Variants in MARCHF5 observed in about 807,000 individuals in gnomAD.
MARCHF5 encodes membrane associated ring-CH-type finger 5.
Under a neutral mutation model 36.5 loss-of-function variants are expected in MARCHF5, and 5 were observed. The observed-to-expected ratio is 0.14, with a 90% CI of 0.07 to 0.29. The LOEUF is 0.29. Among genes scored for constraint, MARCHF5 ranks in the 10% least tolerant of loss-of-function variants. The pLI is 1.00. For missense variants in MARCHF5, 179 were observed against 336.3 expected, an observed-to-expected ratio of 0.53 and a Z score of 3.66; for synonymous variants, 103 against 109.9, an observed-to-expected ratio of 0.94 and a Z score of 0.39.
chr10:92,311,433 G>A (rs1429746505), intron 2 of MARCHF5, 96 bp downstream of exon 2: 4 of 803,194 alleles, frequency 5.0e-6, no homozygotes, highest in African/African-American at 3.5e-5. Flanking sequence ...TTTTTTTAGG[G>A]TGTGAATTTC....
intron 2 of MARCHF5, among the ~76,000 whole-genome samples, chr10:92,325,504 C>T (rs986619912): frequency 1.3e-5 from 2 of 152,086 alleles, no homozygotes; most frequent in Admixed American, 6.5e-5. Flanking sequence ...ATTGTTACGT[C>T]GTCCTGATGG....
chr10:92,344,845 T>G (rs1294433937), intron 3 of MARCHF5, among the ~76,000 whole-genome samples: 1 of 152,212 alleles, frequency 6.6e-6, no homozygotes, highest in Non-Finnish European at 1.5e-5. Flanking sequence ...ATAATTTTTT[T>G]TTCTCGGCAC....
chr10:92,343,197 G>A (rs1450632687), intron 3 of MARCHF5, among the ~76,000 whole-genome samples: 1 of 152,092 alleles, frequency 6.6e-6, no homozygotes. Context: ...TCTGTCCTTT[G>A]GCTTACGTCA....
intron 2 of MARCHF5, among the ~76,000 whole-genome samples, chr10:92,313,861 C>T (rs1388802955): frequency 2.0e-5 from 3 of 152,098 alleles, no homozygotes; most frequent in Non-Finnish European, 2.9e-5. Flanking sequence ...CCACTGTACT[C>T]CAGCTTGGGA....
intron 2 of MARCHF5, among the ~76,000 whole-genome samples, chr10:92,317,060 A>G (rs1157952304): frequency 6.6e-6 from 1 of 152,114 alleles, no homozygotes; most frequent in Non-Finnish European, 1.5e-5. Context: ...AAAGGTAGAG[A>G]GATCTTGACT....
rs976151071 is a variant in MARCHF5, at chr10:92,336,035, G to GT, written c.239-4631dup. Among the ~76,000 whole-genome samples the GT allele has an allele frequency of 1.4e-4, 22 of 152,068 alleles. No homozygotes were observed. In the East Asian group the frequency reaches 2.5e-3, roughly 17 times the overall value. On this transcript the variant is annotated intron_variant, in intron 2 of 5. Transcript: ENST00000358935. The stretch of plus-strand genomic sequence containing the variant: ...ATTTTCCCTTTGGAGGTTTGTTTTT[G>GT]TTTTTTTGGTTTTTTCTGAGACGGA...
In MARCHF5 at chr10:92,293,875, TTACTCTCATCTTTGTAC is replaced by T. The variant is rs573607559; in HGVS notation, c.35+2365_35+2381del. Among the ~76,000 whole-genome samples the T allele has an allele frequency of 2.0e-4, 30 of 152,310 alleles. No homozygotes were observed. The South Asian group carries it at 3.7e-3, about 19-fold the overall frequency. ...TGAAGTAGGTGACTATGACACTGGC[TTACTCTCATCTTTGTAC>T]TACTCTCATCTTTGTACTCTTTTGA... On this transcript the variant is annotated intron_variant, in intron 1 of 5. Coordinates refer to ENST00000358935, the MANE Select transcript of MARCHF5 (RefSeq NM_017824.5).
At chr10:92,295,310 CTTTTCTTTT>C (rs1396657092) in intron 1 of MARCHF5, among the ~76,000 whole-genome samples, 1 of 26,240 alleles carries the variant, frequency 3.8e-5, no homozygotes, top group Non-Finnish European at 7.1e-5. Context: ...CTAGAGGCAA[CTTTTCTTTT>C]TTTTTTTTTT....
At chr10:92,327,633 A>G (rs1843381152) in intron 2 of MARCHF5, among the ~76,000 whole-genome samples, 1 of 152,190 alleles carries the variant, frequency 6.6e-6, no homozygotes, top group South Asian at 2.1e-4. Flanking sequence ...CCAACGGTGT[A>G]TTGGAGTGCC....
chr10:92,303,218 A>C (rs1475983029), intron 1 of MARCHF5, among the ~76,000 whole-genome samples: 1 of 152,202 alleles, frequency 6.6e-6, no homozygotes, highest in Non-Finnish European at 1.5e-5. Context: ...GTCACAAATG[A>C]ACCCTGTGAA....
intron 1 of MARCHF5, among the ~76,000 whole-genome samples, chr10:92,296,209 T>C (rs896799793): frequency 6.6e-6 from 1 of 152,192 alleles, no homozygotes; most frequent in African/African-American, 2.4e-5. Context: ...GCCTTTCGTT[T>C]TTATAAACTA....
chr10:92,294,301 A>G (rs776333078), intron 1 of MARCHF5, among the ~76,000 whole-genome samples: 1 of 152,218 alleles, frequency 6.6e-6, no homozygotes, highest in African/African-American at 2.4e-5. Flanking sequence ...TATCATTTAT[A>G]AAATGAGAAC....
intron 1 of MARCHF5, among the ~76,000 whole-genome samples, chr10:92,291,921 ATAAT>A (rs1221440912): frequency 1.3e-5 from 2 of 151,812 alleles, no homozygotes; most frequent in African/African-American, 4.8e-5. Flanking sequence ...TGACCCCCTT[ATAAT>A]TTTAAGTCTC....
chr10:92,322,244 C>CAAAA (rs56391697), intron 2 of MARCHF5, among the ~76,000 whole-genome samples: 5 of 27,742 alleles, frequency 1.8e-4, no homozygotes, highest in Admixed American at 6.2e-4. Flanking sequence ...AACTCCGTCT[C>CAAAA]AAAAAAAAAA....
rs1397610118 is a variant in MARCHF5, at chr10:92,291,200, C to CCCT, written c.-295_-294insCCT. The CCCT allele has an allele frequency of 2.0e-6, 1 of 510,910 alleles. No homozygotes were observed. The highest frequency in any genetic ancestry group is 3.7e-5 in the East Asian group (1 of 27,312). 31.6% of individuals were successfully genotyped at this position (510,910 alleles called of 1,614,324 possible). Reference sequence around the variant, plus strand: ...AAGGTAGCTCCTCCGCCGGCAGCAACTCGGCGCCCGCGGTCCATGGACCGG... The same window carrying CCCT: ...AAGGTAGCTCCTCCGCCGGCAGCAACCCTTCGGCGCCCGCGGTCCATGGACCGG... On this transcript the variant is annotated 5_prime_UTR_variant, in exon 1 of 6. Coordinates refer to ENST00000358935, the MANE Select transcript of MARCHF5 (RefSeq NM_017824.5).
intron 2 of MARCHF5, among the ~76,000 whole-genome samples, chr10:92,328,514 C>CT (rs1475365789): frequency 6.6e-6 from 1 of 151,384 alleles, no homozygotes; most frequent in Non-Finnish European, 1.5e-5. Context: ...ATTTGTCCTA[C>CT]TTTTTCCTTT....
chr10:92,316,694 A>C (rs905360453), intron 2 of MARCHF5, among the ~76,000 whole-genome samples: 1 of 151,654 alleles, frequency 6.6e-6, no homozygotes, highest in African/African-American at 2.4e-5. Context: ...TTCCAAGTAG[A>C]TGGGGTTACA....
At chr10:92,347,509 GATAGATAGATAGATGATAGATAT>G (rs1260752868) in intron 3 of MARCHF5, among the ~76,000 whole-genome samples, 1,656 of 67,426 alleles carry the variant, frequency 0.025, 34 homozygotes, top group African/African-American at 0.046. Flanking sequence ...TAGATAGATA[GATAGATAGATAGATGATAGATAT>G]ATAGATAGAT....
intron 1 of MARCHF5, among the ~76,000 whole-genome samples, chr10:92,310,312 G>A (rs182418478): frequency 5.9e-5 from 9 of 152,226 alleles, no homozygotes; most frequent in Admixed American, 5.2e-4. Flanking sequence ...AACTGTATTT[G>A]CCCTGATGGA....
Sources: allele counts gnomAD v4.1 joint callset (sites outside exome capture counted in the v4.1 genomes callset), GRCh38; gene constraint gnomAD v4.1.1; transcripts MANE v1.5; gene names NCBI Gene and HGNC (gene_info 2026-07-23, HGNC 2026-07-21).